PLGRKT: variants seen among roughly 807,000 people sequenced by gnomAD.
PLGRKT encodes plasminogen receptor with a C-terminal lysine.
PLGRKT carries 22 observed loss-of-function variants against 18.5 expected under a neutral mutation model. That is an observed-to-expected ratio of 1.19 (90% CI 0.85 to 1.70). PLGRKT has a LOEUF of 1.70. Among genes scored for constraint, PLGRKT ranks in the 40% most tolerant of loss-of-function variants. The pLI, the probability that PLGRKT is intolerant of heterozygous loss-of-function variation, is 0.00. For synonymous variants in PLGRKT, 72 were observed against 52.8 expected, an observed-to-expected ratio of 1.36 and a Z score of -1.58; for missense variants, 235 against 174.4, an observed-to-expected ratio of 1.35 and a Z score of -1.96.
At chr9:5,432,915 C>A (rs1818859521) in intron 2 of PLGRKT, among the ~76,000 whole-genome samples, 1 of 152,044 alleles carries the variant, frequency 6.6e-6, no homozygotes, top group Admixed American at 6.5e-5. Flanking sequence ...GCCCGCCCGC[C>A]ACTCCGTCTA....
At chr9:5,404,936 G>C (rs1241966090) in intron 3 of PLGRKT, among the ~76,000 whole-genome samples, 1 of 152,064 alleles carries the variant, frequency 6.6e-6, no homozygotes, top group Non-Finnish European at 1.5e-5. Context: ...AAAGTCTGAG[G>C]ATGCAAAATC....
At chr9:5,411,414 A>G (rs1586734219) in intron 3 of PLGRKT, among the ~76,000 whole-genome samples, 1 of 151,890 alleles carries the variant, frequency 6.6e-6, no homozygotes, top group East Asian at 1.9e-4. Context: ...AGAAAAGAAA[A>G]GAGGGAAACA....
At chr9:5,431,537 A>C (rs987681103) in intron 3 of PLGRKT, among the ~76,000 whole-genome samples, 2 of 143,456 alleles carry the variant, frequency 1.4e-5, no homozygotes, top group African/African-American at 2.9e-5. Context: ...CTCTCAAAAA[A>C]AAAAAAAAAA....
chr9:5,377,666 T>C (rs574836154), intron 3 of PLGRKT, among the ~76,000 whole-genome samples: 1 of 152,214 alleles, frequency 6.6e-6, no homozygotes, highest in African/African-American at 2.4e-5. Flanking sequence ...TAGGGAGGAC[T>C]ATTCTGCCTA....
Position 5,358,338 on chromosome 9 carries a change from T to A in PLGRKT, c.345A>T (p.Glu115Asp). The stretch of plus-strand genomic sequence containing the variant: ...GCAGCTGCAATTTACTCTTTTCTGT[T>A]TCCAGTATGTCCTCAGCTTCACCTT... ...RMKGEAEDILETEKSKLQLPR... is the reference protein window; with the variant it reads ...RMKGEAEDILDTEKSKLQLPR... Residue 115 changes from glutamate (E) to aspartate (D), a missense_variant, in exon 6 of 6, where the codon GAA (glutamate) becomes GAT (aspartate). Glu to Asp is a conservative substitution (Grantham distance 45, BLOSUM62 2). Transcript: ENST00000223864. 6.2e-7 allele frequency: 1 copy of A among 1,612,652 alleles called. No homozygotes were observed. Among genetic ancestry groups the A allele is most frequent in the Non-Finnish European group, 8.5e-7 (1 of 1,178,964 alleles).
intron 3 of PLGRKT, among the ~76,000 whole-genome samples, chr9:5,402,446 G>C (rs191911418): frequency 6.6e-6 from 1 of 152,006 alleles, no homozygotes; most frequent in East Asian, 1.9e-4. Flanking sequence ...CTGCCTAAAA[G>C]GATCTGTGGC....
Position 5,431,914 on chromosome 9 carries a change from TA to T in PLGRKT, c.63del (p.Met22Ter). 1 of 1,520,660 alleles carries T rather than the reference TA, an allele frequency of 6.6e-7. No homozygotes were observed. Among genetic ancestry groups the T allele is most frequent in the Non-Finnish European group, 9.1e-7 (1 of 1,096,168 alleles). The allele number at this position is 1,520,660 out of a possible 1,614,324, so 94.2% of individuals were successfully genotyped here. The part of the protein sequence containing the change: ...ESMKNQKEFM[L>X]MNARLQLERQ... ...AAACATACCTGAAGTCGAGCATTCA[TA>T]AGCATGAACTCCTTTTGATTTTTCA... is the stretch of plus-strand genomic sequence containing the variant. On this transcript the variant is annotated frameshift_variant, in exon 3 of 6. Transcript: ENST00000223864. LOFTEE classifies it high-confidence loss of function.
intron 3 of PLGRKT, 66 bp from the exon 4 acceptor site, chr9:5,361,954 T>C: frequency 6.8e-7 from 1 of 1,472,024 alleles, no homozygotes; most frequent in Non-Finnish European, 9.3e-7. Flanking sequence ...TAGTTAATAA[T>C]CTGTTTTTCC....
chr9:5,407,980 A>C, intron 3 of PLGRKT, among the ~76,000 whole-genome samples: 1 of 152,224 alleles, frequency 6.6e-6, no homozygotes, highest in East Asian at 1.9e-4. Context: ...TAATCTGTAT[A>C]TAGACAACTC....
rs78877877 is a variant in PLGRKT at position 5,375,211 on chromosome 9, C to G, written c.82-13323G>C. On this transcript the variant is annotated intron_variant, in intron 3 of 5. Transcript: ENST00000223864. ...TTACATTATGAGTTGTTTAGTCACA[C>G]TGACTTCCTTTGCTGAAACTGAAAG... Among the ~76,000 whole-genome samples the G allele has an allele frequency of 9.0e-3, 1,377 of 152,292 alleles. 22 individuals are homozygous for G. Among genetic ancestry groups the G allele is most frequent in the East Asian group, 0.033 (173 of 5,186 alleles).
At chr9:5,396,119 C>G (rs747207361) in intron 3 of PLGRKT, among the ~76,000 whole-genome samples, 2 of 151,428 alleles carry the variant, frequency 1.3e-5, no homozygotes, top group Admixed American at 6.6e-5. Flanking sequence ...GTCTCGAACT[C>G]CTGACCTGAG....
intron 5 of PLGRKT, 102 bp from the exon 6 acceptor site, chr9:5,358,462 A>T (rs1219219530): frequency 1.4e-5 from 13 of 927,418 alleles, no homozygotes; most frequent in Non-Finnish European, 2.0e-5. Flanking sequence ...ACACCGTATG[A>T]GCCATGTCCC....
rs185030556 is a variant in PLGRKT, at chr9:5,421,121, C to T, written c.81+10776G>A. ...AGTTGTCCTGGGTACAAGGCTTGAG[C>T]GACCTCTGACCTCATCTCTATCCAC... On this transcript the variant is annotated intron_variant, in intron 3 of 5. Transcript: ENST00000223864. Among the ~76,000 whole-genome samples the T allele has an allele frequency of 6.0e-4, 91 of 152,296 alleles. No individual in the cohort carries two copies. The Middle Eastern group carries it at 0.017, about 28-fold the overall frequency.
intron 3 of PLGRKT, among the ~76,000 whole-genome samples, chr9:5,431,311 A>G (rs1818817884): frequency 6.6e-6 from 1 of 152,164 alleles, no homozygotes; most frequent in African/African-American, 2.4e-5. Flanking sequence ...AGGCCAGTAG[A>G]TCATTTGAGG....
In PLGRKT at chr9:5,403,048, G is replaced by A. The variant is rs58634576; in HGVS notation, c.81+28849C>T. Among the ~76,000 whole-genome samples the A allele has an allele frequency of 2.9e-3, 447 of 151,872 alleles. 13 individuals carry two copies. The highest frequency in any genetic ancestry group is 0.01 in the African/African-American group (428 of 41,208). ...TGGATAATAGGTAGTGGAAGGCTGG[G>A]TAGAAATAAGGTTTATTTTGCTGCA... On this transcript the variant is annotated intron_variant, in intron 3 of 5. Transcript: ENST00000223864.
intron 3 of PLGRKT, among the ~76,000 whole-genome samples, chr9:5,416,343 T>C (rs1818458275): frequency 6.6e-6 from 1 of 152,170 alleles, no homozygotes; most frequent in African/African-American, 2.4e-5. Flanking sequence ...TGTAGAAGTC[T>C]AAAGATTTTA....
chr9:5,407,985 C>A (rs1818287899), intron 3 of PLGRKT, among the ~76,000 whole-genome samples: 1 of 152,102 alleles, frequency 6.6e-6, no homozygotes, highest in African/African-American at 2.4e-5. Flanking sequence ...TGTATATAGA[C>A]AACTCTATTG....
In PLGRKT at chr9:5,433,033, C is replaced by T. The variant is rs368619767; in HGVS notation, c.-6-1050G>A. On this transcript the variant is annotated intron_variant, in intron 2 of 5. Coordinates refer to ENST00000223864, the MANE Select transcript of PLGRKT (RefSeq NM_018465.4). ...TGAGGAGCGTCTCTGCCTGGCCGCC[C>T]ATCGTCTGGGATGTGAGGAGGGCCT... 5.1e-3 allele frequency among the ~76,000 whole-genome samples: 775 copies of T among 151,230 alleles called. 3 individuals are homozygous for T. The highest frequency in any genetic ancestry group is 0.019 in the Admixed American group (294 of 15,210).
chr9:5,390,846 A>T (rs1482547825), intron 3 of PLGRKT, among the ~76,000 whole-genome samples: 1 of 151,970 alleles, frequency 6.6e-6, no homozygotes, highest in Non-Finnish European at 1.5e-5. Context: ...GAGATTTTTT[A>T]AATGTCTTCA....
Sources: allele counts gnomAD v4.1 joint callset (sites outside exome capture counted in the v4.1 genomes callset), GRCh38; gene constraint gnomAD v4.1.1; transcripts MANE v1.5; gene names NCBI Gene and HGNC (gene_info 2026-07-23, HGNC 2026-07-21).